THSD7A: variants seen among roughly 807,000 people sequenced by gnomAD.
The protein encoded by THSD7A is thrombospondin type 1 domain containing 7A.
THSD7A carries 96 observed loss-of-function variants against 231.3 expected under a neutral mutation model. The ratio of observed to expected loss-of-function variants is 0.41; its 90% CI spans 0.35 to 0.49. The LOEUF is 0.49. THSD7A is among the 20% of genes least tolerant of loss of function. THSD7A has a pLI of 0.05. For missense variants in THSD7A, 2,290 were observed against 2,070.2 expected, an observed-to-expected ratio of 1.11 and a Z score of -2.06; for synonymous variants, 940 against 743.3, an observed-to-expected ratio of 1.26 and a Z score of -4.30.
At chr7:11,447,626 G>A (rs1453111066) in intron 11 of THSD7A, among the ~76,000 whole-genome samples, 3 of 152,076 alleles carry the variant, frequency 2.0e-5, no homozygotes, top group African/African-American at 7.2e-5. Flanking sequence ...ACAACCCTGA[G>A]TGATTTTTGT....
intron 4 of THSD7A, among the ~76,000 whole-genome samples, chr7:11,569,600 G>A (rs1790534105): frequency 6.6e-6 from 1 of 152,104 alleles, no homozygotes; most frequent in Non-Finnish European, 1.5e-5. Context: ...AGTGACTTTG[G>A]ACAACAGTGT....
intron 1 of THSD7A, among the ~76,000 whole-genome samples, chr7:11,821,677 G>C (rs1784880111): frequency 6.6e-6 from 1 of 151,936 alleles, no homozygotes; most frequent in Non-Finnish European, 1.5e-5. Context: ...CTCCTTCTAT[G>C]TGGACCATCT....
At position 11,432,927 on chromosome 7, in the gene THSD7A, C is replaced by A. The variant is rs558710640; in HGVS notation, c.3065-3802G>T. ...TTAAAAAATGGGATCACAAATTTGG[C>A]ATGAAGATTAGGATACAATGAAAAG... On this transcript the variant is annotated intron_variant, in intron 13 of 27. Transcript: ENST00000423059. Among the ~76,000 whole-genome samples the A allele has an allele frequency of 2.0e-5, 3 of 151,960 alleles. No individual in the cohort carries two copies. In the East Asian group the frequency reaches 5.8e-4, roughly 29 times the overall value.
At chr7:11,711,731 C>T (rs146510950) in intron 1 of THSD7A, among the ~76,000 whole-genome samples, 1 of 151,238 alleles carries the variant, frequency 6.6e-6, no homozygotes, top group East Asian at 2.0e-4. Context: ...AAAACACACA[C>T]CTCAGTTGTA....
intron 15 of THSD7A, 106 bp downstream of exon 15, chr7:11,426,560 T>C: frequency 8.1e-7 from 1 of 1,240,508 alleles, no homozygotes; most frequent in Non-Finnish European, 1.1e-6. Flanking sequence ...ATTTTCTCCC[T>C]GTAAAACATA....
intron 1 of THSD7A, among the ~76,000 whole-genome samples, chr7:11,722,547 A>C (rs1781393614): frequency 6.6e-6 from 1 of 151,820 alleles, no homozygotes; most frequent in Non-Finnish European, 1.5e-5. Context: ...GCACATGAAG[A>C]CCATTTTCCA....
At chr7:11,597,492 A>T (rs1231636876) in intron 2 of THSD7A, among the ~76,000 whole-genome samples, 1 of 152,114 alleles carries the variant, frequency 6.6e-6, no homozygotes, top group East Asian at 1.9e-4. Flanking sequence ...CCCCATATCC[A>T]ATGGTGATTG....
intron 6 of THSD7A, among the ~76,000 whole-genome samples, chr7:11,497,337 A>C (rs1787144037): frequency 6.6e-6 from 1 of 152,218 alleles, no homozygotes; most frequent in Non-Finnish European, 1.5e-5. Flanking sequence ...CAGCCAAAAC[A>C]TATCAATCAA....
intron 6 of THSD7A, among the ~76,000 whole-genome samples, chr7:11,488,465 G>A (rs1003481651): frequency 6.6e-5 from 10 of 152,034 alleles, no homozygotes; most frequent in African/African-American, 2.2e-4. Flanking sequence ...CCCATGAACT[G>A]AGACTTATGC....
At chr7:11,685,045 A>G (rs751444888) in intron 1 of THSD7A, among the ~76,000 whole-genome samples, 7 of 151,982 alleles carry the variant, frequency 4.6e-5, no homozygotes, top group Non-Finnish European at 1.0e-4. Flanking sequence ...ATTGGAACAG[A>G]ATAGAGGACA....
At chr7:11,762,791 G>C (rs1036334655) in intron 1 of THSD7A, among the ~76,000 whole-genome samples, 1 of 151,616 alleles carries the variant, frequency 6.6e-6, no homozygotes, top group Admixed American at 6.6e-5. Flanking sequence ...AAATATTCAT[G>C]AAAAAAATTA....
chr7:11,638,393 C>T (rs2128361872), intron 1 of THSD7A, among the ~76,000 whole-genome samples: 1 of 152,252 alleles, frequency 6.6e-6, no homozygotes, highest in Admixed American at 6.5e-5. Context: ...TTAGTTTCTT[C>T]TGTACATAAC....
Position 11,420,493 on chromosome 7 carries a change from G to A in THSD7A, c.3384-2890C>T, listed in dbSNP as rs560473662. 9.2e-5 allele frequency among the ~76,000 whole-genome samples: 14 copies of A among 152,356 alleles called. No homozygotes were observed. The South Asian group carries it at 2.9e-3, about 32-fold the overall frequency. On this transcript the variant is annotated intron_variant, in intron 16 of 27. Coordinates refer to ENST00000423059, the MANE Select transcript of THSD7A (RefSeq NM_015204.3). ...ACAAAAGGTAAGAGTTCAGGCTTGGGAGCCTCCACCCGGATTTCAGAGGAT... is the reference window on the plus strand; with the variant it reads ...ACAAAAGGTAAGAGTTCAGGCTTGGAAGCCTCCACCCGGATTTCAGAGGAT...
At chr7:11,827,632 T>C (rs1785070258) in intron 1 of THSD7A, among the ~76,000 whole-genome samples, 1 of 152,102 alleles carries the variant, frequency 6.6e-6, no homozygotes, top group Non-Finnish European at 1.5e-5. Context: ...TTCTTTTCAA[T>C]ATTTTCTTTG....
At chr7:11,436,098 T>A (rs1449042191) in intron 13 of THSD7A, among the ~76,000 whole-genome samples, 1 of 152,102 alleles carries the variant, frequency 6.6e-6, no homozygotes, top group Non-Finnish European at 1.5e-5. Context: ...GACTTTCTCC[T>A]CATATTTAAC....
intron 6 of THSD7A, among the ~76,000 whole-genome samples, chr7:11,513,830 G>C (rs1787917527): frequency 6.6e-6 from 1 of 151,880 alleles, no homozygotes; most frequent in African/African-American, 2.4e-5. Flanking sequence ...TTGATGTGTT[G>C]ATTATAGTTT....
intron 4 of THSD7A, among the ~76,000 whole-genome samples, chr7:11,560,781 G>C (rs557572034): frequency 6.9e-6 from 1 of 145,846 alleles, no homozygotes; most frequent in South Asian, 2.1e-4. Context: ...GCTCAACTAC[G>C]GGTGTGTTCC....
intron 1 of THSD7A, among the ~76,000 whole-genome samples, chr7:11,787,083 CTT>C (rs918872053): frequency 3.9e-5 from 6 of 152,094 alleles, no homozygotes; most frequent in African/African-American, 1.4e-4. Flanking sequence ...ATTGAACTGA[CTT>C]ATACTTCCTG....
chr7:11,626,760 T>C (rs1781483874), intron 2 of THSD7A, among the ~76,000 whole-genome samples: 1 of 152,120 alleles, frequency 6.6e-6, no homozygotes, highest in South Asian at 2.1e-4. Flanking sequence ...ACATTTATGA[T>C]ATTAATAATG....
Sources: gnomAD v4.1 joint callset for allele counts (sites outside exome capture counted in the v4.1 genomes callset) on GRCh38, gnomAD v4.1.1 for gene constraint, MANE v1.5 for transcripts, NCBI Gene and HGNC (gene_info 2026-07-23, HGNC 2026-07-21) for gene names.